The following HCRTR2 variants were observed in gnomAD, a reference collection of about 807,000 sequenced individuals.
HCRTR2 encodes hypocretin receptor 2.
A neutral mutation model predicts 49.0 loss-of-function variants in HCRTR2; 22 were observed. The ratio of observed to expected loss-of-function variants is 0.45; its 90% CI spans 0.32 to 0.64. The LOEUF (loss-of-function observed/expected upper bound fraction) is 0.64, where lower values mean the gene tolerates loss of function less well. HCRTR2 is among the 30% of genes least tolerant of loss of function. The pLI, the probability that HCRTR2 is intolerant of heterozygous loss-of-function variation, is 0.04. For synonymous variants in HCRTR2, 236 were observed against 205.3 expected, an observed-to-expected ratio of 1.15 and a Z score of -1.28; for missense variants, 491 against 559.4, an observed-to-expected ratio of 0.88 and a Z score of 1.23.
chr6:55,106,717 C>T (rs575907264), intron 1 of HCRTR2, among the ~76,000 whole-genome samples: 34 of 152,118 alleles, frequency 2.2e-4, no homozygotes, highest in African/African-American at 7.9e-4. Flanking sequence ...TGTTAACCAC[C>T]AAGCATTCTA....
intron 1 of HCRTR2, among the ~76,000 whole-genome samples, chr6:55,234,545 A>C (rs62416791): frequency 0.18 from 27,560 of 152,080 alleles, 2,866 homozygotes; most frequent in Non-Finnish European, 0.24. Flanking sequence ...CATCAAATTG[A>C]CCCATAAATG....
intron 1 of HCRTR2, among the ~76,000 whole-genome samples, chr6:55,211,763 T>C (rs924831088): frequency 6.6e-6 from 1 of 151,976 alleles, no homozygotes; most frequent in Non-Finnish European, 1.5e-5. Context: ...CAACTCCTAA[T>C]TCTCCTTCAG....
chr6:55,135,205 G>A (rs1416281106), intron 1 of HCRTR2, among the ~76,000 whole-genome samples: 1 of 151,958 alleles, frequency 6.6e-6, no homozygotes, highest in Non-Finnish European at 1.5e-5. Flanking sequence ...GAAATATACA[G>A]GATTAAAAAT....
At chr6:55,191,417 T>C (rs914441526) in intron 1 of HCRTR2, among the ~76,000 whole-genome samples, 1 of 152,194 alleles carries the variant, frequency 6.6e-6, no homozygotes, top group Non-Finnish European at 1.5e-5. Flanking sequence ...CTTTTTACCA[T>C]GTGTCCTTTA....
intron 1 of HCRTR2, among the ~76,000 whole-genome samples, chr6:55,165,744 A>AATATATATATATATATAT (rs56655240): frequency 5.4e-5 from 7 of 128,500 alleles, no homozygotes; most frequent in African/African-American, 1.5e-4. Flanking sequence ...TAGTATACAG[A>AATATATATATATATATAT]ATATATATAT....
chr6:55,237,759 A>G (rs1452854545), intron 1 of HCRTR2, among the ~76,000 whole-genome samples: 2 of 152,150 alleles, frequency 1.3e-5, no homozygotes, highest in African/African-American at 2.4e-5. Context: ...GTTCTGCAGT[A>G]AGCTTATCTG....
chr6:55,223,773 C>T (rs1765944257), intron 1 of HCRTR2, among the ~76,000 whole-genome samples: 1 of 151,370 alleles, frequency 6.6e-6, no homozygotes, highest in Admixed American at 6.6e-5. Flanking sequence ...GGGCAACTTA[C>T]CTAGAAAAAA....
intron 1 of HCRTR2, among the ~76,000 whole-genome samples, chr6:55,222,410 T>C (rs1390141306): frequency 1.3e-5 from 2 of 152,058 alleles, no homozygotes; most frequent in African/African-American, 4.8e-5. Context: ...AATAAAACTA[T>C]ACGATCCAGT....
chr6:55,129,723 G>T (rs931448843), intron 1 of HCRTR2, among the ~76,000 whole-genome samples: 2 of 151,834 alleles, frequency 1.3e-5, no homozygotes, highest in Non-Finnish European at 2.9e-5. Flanking sequence ...TGCCAGTCTT[G>T]TTTGTTCTTA....
intron 1 of HCRTR2, among the ~76,000 whole-genome samples, chr6:55,205,439 G>C (rs1562006256): frequency 6.6e-6 from 1 of 152,080 alleles, no homozygotes; most frequent in African/African-American, 2.4e-5. Context: ...AAATGCTACT[G>C]ATAAGTAAAG....
intron 1 of HCRTR2, among the ~76,000 whole-genome samples, chr6:55,193,981 AT>A (rs373249987): frequency 8.6e-5 from 13 of 151,588 alleles, no homozygotes; most frequent in East Asian, 1.9e-4. Context: ...CTGAATAAAG[AT>A]TTTTTTTTCT....
In HCRTR2 at chr6:55,191,855, C is replaced by A. The variant is rs552674035; in HGVS notation, c.223+17045C>A. Among the ~76,000 whole-genome samples, 8 of 152,126 alleles carry A rather than the reference C, an allele frequency of 5.3e-5. No individual in the cohort carries two copies. The East Asian group carries it at 1.5e-3, about 29-fold the overall frequency. On this transcript the variant is annotated intron_variant, in intron 1 of 6. Coordinates refer to ENST00000370862, the MANE Select transcript of HCRTR2 (RefSeq NM_001384272.1). The stretch of plus-strand genomic sequence containing the variant: ...AAGACTTTAGCAAGCTCCATCTAAT[C>A]CATTTGCAGACATATGGTTACCTAT...
intron 1 of HCRTR2, among the ~76,000 whole-genome samples, chr6:55,221,649 T>C (rs1016331740): frequency 1.3e-5 from 2 of 151,860 alleles, no homozygotes; most frequent in Non-Finnish European, 2.9e-5. Context: ...CCGTCTCTAC[T>C]AAAAATACAA....
Position 55,255,243 on chromosome 6 carries a change from T to A in HCRTR2, c.510T>A (p.Arg170=). Reference sequence around the variant, plus strand: ...TTAAGAGCACAGCAAAGCGGGCCCGTAACAGCATTGTCATCATCTGGATTG... The same window carrying A: ...TTAAGAGCACAGCAAAGCGGGCCCGAAACAGCATTGTCATCATCTGGATTG... The part of the protein sequence containing the change: ...LMFKSTAKRA[R]NSIVIIWIVS... Residue 170 remains arginine, a synonymous_variant, in exon 3 of 7, where the codon CGT becomes CGA. Transcript: ENST00000370862. The A allele has an allele frequency of 1.9e-6, 3 of 1,613,976 alleles. No individual in the cohort carries two copies. Among genetic ancestry groups the A allele is most frequent in the Non-Finnish European group, 2.5e-6 (3 of 1,179,924 alleles).
At chr6:55,248,534 C>A in intron 1 of HCRTR2, 105 bp from the exon 2 acceptor site, 1 of 935,262 alleles carries the variant, frequency 1.1e-6, no homozygotes, top group Non-Finnish European at 1.7e-6. Flanking sequence ...AATTATTTTT[C>A]TTTTTAAATA....
chr6:55,275,902 C>A (rs186626155), intron 4 of HCRTR2, among the ~76,000 whole-genome samples: 1 of 152,058 alleles, frequency 6.6e-6, no homozygotes, highest in Non-Finnish European at 1.5e-5. Flanking sequence ...AATGTAGATT[C>A]TCTCCTTCAG....
intron 1 of HCRTR2, among the ~76,000 whole-genome samples, chr6:55,229,271 C>T (rs925315543): frequency 1.8e-4 from 27 of 152,272 alleles, no homozygotes; most frequent in African/African-American, 5.5e-4. Context: ...TCAAGTGATC[C>T]TTTCACCTCA....
intron 1 of HCRTR2, among the ~76,000 whole-genome samples, chr6:55,240,042 G>T (rs1193039461): frequency 6.6e-6 from 1 of 151,912 alleles, no homozygotes; most frequent in African/African-American, 2.4e-5. Flanking sequence ...CTCCCAAAGT[G>T]CCGGGATTAC....
intron 1 of HCRTR2, among the ~76,000 whole-genome samples, chr6:55,242,059 A>G (rs1049917646): frequency 5.3e-5 from 8 of 151,536 alleles, no homozygotes; most frequent in African/African-American, 1.9e-4. Context: ...TAGTAGAGAC[A>G]GGATTTCACT....
Sources: allele counts gnomAD v4.1 joint callset (sites outside exome capture counted in the v4.1 genomes callset), GRCh38; gene constraint gnomAD v4.1.1; transcripts MANE v1.5; gene names NCBI Gene and HGNC (gene_info 2026-07-23, HGNC 2026-07-21).